Variants in LRTM3 observed in about 807,000 individuals in gnomAD.
LRTM3 encodes leucine rich repeat transmembrane protein 3, also known as leucine-rich repeat transmembrane protein 3.
the LRTM3 span, chr13:102,736,542 T>C: frequency 1.5e-5 from 23 of 1,551,044 alleles, no homozygotes; most frequent in East Asian, 5.1e-4. Flanking sequence ...AAGCTTCTTG[T>C]TATTCGTGGT....
At chr13:102,729,893 T>C in the LRTM3 span, 25 of 1,551,982 alleles carry the variant, frequency 1.6e-5, no homozygotes, top group Non-Finnish European at 2.2e-5. Context: ...TGGGTGCCTG[T>C]GAGACTTGCC....
the LRTM3 span, chr13:102,750,466 T>G: frequency 1.2e-6 from 1 of 835,376 alleles, no homozygotes. Flanking sequence ...TTTAAGAAAA[T>G]GCAGCATAGT....
chr13:102,753,532 G>T, the LRTM3 span, among the ~76,000 whole-genome samples: 4 of 149,780 alleles, frequency 2.7e-5, no homozygotes, highest in East Asian at 7.8e-4. Flanking sequence ...AAAGAAAAGA[G>T]CATGTGAGGA....
At chr13:102,749,146 A>T in the LRTM3 span, 3 of 1,550,556 alleles carry the variant, frequency 1.9e-6, no homozygotes, top group African/African-American at 1.4e-5. Context: ...ATCCTAACTC[A>T]TTCCTATTTT....
the LRTM3 span, chr13:102,758,282 G>A: frequency 7.2e-4 from 437 of 610,250 alleles, 6 homozygotes; most frequent in South Asian, 9.9e-3. Flanking sequence ...GTAAATGTTA[G>A]ATTGAATCAT....
chr13:102,737,112 G>A, the LRTM3 span: 1 of 1,551,128 alleles, frequency 6.4e-7, no homozygotes, highest in South Asian at 1.2e-5. Flanking sequence ...GTATGTGGAA[G>A]TGATAATTGC....
At chr13:102,758,315 C>A in the LRTM3 span, 2 of 750,370 alleles carry the variant, frequency 2.7e-6, no homozygotes, top group East Asian at 2.8e-5. Context: ...CTAGGAAAAC[C>A]CTTCTCTGAA....
At chr13:102,739,061 G>A in the LRTM3 span, 1 of 1,550,384 alleles carries the variant, frequency 6.5e-7, no homozygotes, top group Non-Finnish European at 8.7e-7. Flanking sequence ...ACAGAATCTT[G>A]TTATTCCTCT....
chr13:102,741,711 G>A, the LRTM3 span: 1 of 1,550,192 alleles, frequency 6.5e-7, no homozygotes, highest in Non-Finnish European at 8.7e-7. Context: ...TTTGAGTTTA[G>A]TGGAATATCT....
the LRTM3 span, chr13:102,733,451 G>A: frequency 3.2e-6 from 5 of 1,551,186 alleles, no homozygotes; most frequent in Non-Finnish European, 4.4e-6. Flanking sequence ...TTTTGAATTT[G>A]CAGGGGTGCC....
the LRTM3 span, among the ~76,000 whole-genome samples, chr13:102,752,449 A>G: frequency 6.6e-6 from 1 of 152,168 alleles, no homozygotes; most frequent in Non-Finnish European, 1.5e-5. Flanking sequence ...GCTACCCTGC[A>G]GGCTGCAACC....
the LRTM3 span, chr13:102,741,748 C>T: frequency 9.2e-5 from 142 of 1,550,276 alleles, no homozygotes; most frequent in Non-Finnish European, 1.2e-4. Context: ...CTCTCTCCCA[C>T]GGAATTGAAA....
At chr13:102,738,137 G>C in the LRTM3 span, 1 of 1,550,886 alleles carries the variant, frequency 6.4e-7, no homozygotes, top group Non-Finnish European at 8.7e-7. Context: ...AGTATTCAAT[G>C]GTAGGTCCTG....
the LRTM3 span, among the ~76,000 whole-genome samples, chr13:102,753,851 A>C: frequency 6.6e-6 from 1 of 152,190 alleles, no homozygotes; most frequent in African/African-American, 2.4e-5. Flanking sequence ...GGCTCAGTCT[A>C]ATATAGTAAT....
chr13:102,738,227 T>C, the LRTM3 span: 1 of 1,550,776 alleles, frequency 6.4e-7, no homozygotes, highest in African/African-American at 1.4e-5. Flanking sequence ...TACTTCATCG[T>C]CTTCTTTCTG....
At chr13:102,736,772 T>C in the LRTM3 span, 13 of 1,550,954 alleles carry the variant, frequency 8.4e-6, no homozygotes, top group Admixed American at 2.6e-4. Context: ...TACACTTTTC[T>C]CTGAAATATT....
chr13:102,732,249 A>C, the LRTM3 span: 2 of 1,551,322 alleles, frequency 1.3e-6, no homozygotes, highest in African/African-American at 1.4e-5. Context: ...CGCATGATGG[A>C]AATAGAAAGA....
the LRTM3 span, chr13:102,736,509 C>A: frequency 2.6e-6 from 4 of 1,551,078 alleles, no homozygotes; most frequent in Non-Finnish European, 2.6e-6. Context: ...GGCAATGATT[C>A]CTGGATCTCA....
chr13:102,742,955 C>G, the LRTM3 span: 4 of 1,544,466 alleles, frequency 2.6e-6, no homozygotes, highest in South Asian at 4.8e-5. Context: ...AACTTTGAGA[C>G]TTTCTTTTCC....
Sources: allele counts gnomAD v4.1 joint callset (sites outside exome capture counted in the v4.1 genomes callset), GRCh38; gene constraint gnomAD v4.1.1; transcripts MANE v1.5; gene names NCBI Gene and HGNC (gene_info 2026-07-23, HGNC 2026-07-21).